Variants in CCBE1 observed in about 807,000 individuals in gnomAD.
CCBE1 encodes collagen and calcium binding EGF domains 1.
In CCBE1, 37 loss-of-function variants were observed where a neutral mutation model predicts 50.0. The ratio of observed to expected loss-of-function variants is 0.74; its 90% confidence interval spans 0.57 to 0.97. The LOEUF is 0.97. CCBE1 is among the 50% of genes least tolerant of loss of function. The pLI is 0.00. For missense variants in CCBE1, 538 were observed against 523.8 expected, an observed-to-expected ratio of 1.03 and a Z score of -0.26; for synonymous variants, 234 against 203.7, an observed-to-expected ratio of 1.15 and a Z score of -1.27.
chr18:59,636,536 G>A (rs1302565253), intron 2 of CCBE1, among the ~76,000 whole-genome samples: 2 of 152,208 alleles, frequency 1.3e-5, no homozygotes, highest in African/African-American at 4.8e-5. Context: ...AGGACTTACA[G>A]TCAAAAGTCA....
At chr18:59,500,850 A>G (rs892261122) in intron 2 of CCBE1, among the ~76,000 whole-genome samples, 4 of 152,158 alleles carry the variant, frequency 2.6e-5, no homozygotes, top group African/African-American at 7.2e-5. Flanking sequence ...CCCTGTAACA[A>G]TGGAAACACA....
chr18:59,625,650 C>T (rs1029245678), intron 2 of CCBE1, among the ~76,000 whole-genome samples: 2 of 152,158 alleles, frequency 1.3e-5, no homozygotes, highest in Non-Finnish European at 2.9e-5. Context: ...GCAGAACCAG[C>T]TGCTGGGACA....
Position 59,695,511 on chromosome 18 carries a change from CCAA to C in CCBE1, c.212+1115_212+1117del, listed in dbSNP as rs565464752. 1.1e-4 allele frequency among the ~76,000 whole-genome samples: 16 copies of C among 152,266 alleles called. No homozygotes were observed. In the East Asian group the frequency reaches 2.9e-3, roughly 28 times the overall value. Reference sequence around the variant, plus strand: ...TTGCCTGATTATTGTCCCTTCACTGCCAACAACAGATTTAAGAGCAGAAGTACG... The same window carrying C: ...TTGCCTGATTATTGTCCCTTCACTGCCAACAGATTTAAGAGCAGAAGTACG... On this transcript the variant is annotated intron_variant, in intron 2 of 10. Transcript: ENST00000439986.
intron 2 of CCBE1, among the ~76,000 whole-genome samples, chr18:59,487,244 G>A (rs931397600): frequency 1.3e-5 from 2 of 151,568 alleles, no homozygotes; most frequent in African/African-American, 4.9e-5. Context: ...ACTGTGGCAT[G>A]CCTAAGAAGG....
rs77396127 is a variant in CCBE1, at chr18:59,662,305, C to T, written c.212+34324G>A. On this transcript the variant is annotated intron_variant, in intron 2 of 10. Transcript: ENST00000439986. ...CATTTTTCACAGCTCTGGATGTGTC[C>T]TTGAATGACCATGAAAGTTCTGTAC... is the stretch of plus-strand genomic sequence containing the variant. 5.9e-3 allele frequency among the ~76,000 whole-genome samples: 897 copies of T among 152,300 alleles called. 6 individuals are homozygous for T. The highest frequency in any genetic ancestry group is 8.9e-3 in the Non-Finnish European group (607 of 68,034).
intron 2 of CCBE1, among the ~76,000 whole-genome samples, chr18:59,526,708 CTGTT>C (rs1158805004): frequency 6.6e-6 from 1 of 152,106 alleles, no homozygotes; most frequent in Admixed American, 6.5e-5. Flanking sequence ...GGTATGTTGT[CTGTT>C]TGTTCTCATT....
chr18:59,696,579 G>A, intron 2 of CCBE1, 50 bp downstream of exon 2: 2 of 1,610,318 alleles, frequency 1.2e-6, no homozygotes, highest in South Asian at 1.1e-5. Context: ...CGCCTCCCCA[G>A]CCAGCCCCGG....
chr18:59,547,057 G>GAGAAAGGGAA (rs1915718981), intron 2 of CCBE1, among the ~76,000 whole-genome samples: 1 of 64,890 alleles, frequency 1.5e-5, no homozygotes, highest in African/African-American at 9.2e-5. Flanking sequence ...GAGAGGGGGA[G>GAGAAAGGGAA]AGAGGGGGAG....
At chr18:59,611,849 C>A (rs377654569) in intron 2 of CCBE1, among the ~76,000 whole-genome samples, 1 of 152,182 alleles carries the variant, frequency 6.6e-6, no homozygotes, top group African/African-American at 2.4e-5. Flanking sequence ...CTGAGACTTA[C>A]GCATCAAGTT....
intron 6 of CCBE1, among the ~76,000 whole-genome samples, chr18:59,450,722 A>T (rs1294477236): frequency 6.6e-6 from 1 of 152,152 alleles, no homozygotes; most frequent in Non-Finnish European, 1.5e-5. Flanking sequence ...TTTAGTAGAG[A>T]TGGGGTTTCA....
chr18:59,566,203 T>C (rs1415394874), intron 2 of CCBE1, among the ~76,000 whole-genome samples: 2 of 152,186 alleles, frequency 1.3e-5, no homozygotes, highest in Non-Finnish European at 2.9e-5. Flanking sequence ...ACAGTATCAT[T>C]TTCTTTCCAC....
intron 2 of CCBE1, among the ~76,000 whole-genome samples, chr18:59,594,818 G>A (rs1204506363): frequency 1.3e-5 from 2 of 152,036 alleles, no homozygotes; most frequent in Admixed American, 6.6e-5. Flanking sequence ...AAGTCATTAA[G>A]AATAGCAGTT....
chr18:59,495,114 C>T (rs1476983100), intron 2 of CCBE1, among the ~76,000 whole-genome samples: 1 of 152,172 alleles, frequency 6.6e-6, no homozygotes, highest in East Asian at 1.9e-4. Context: ...TGCACTCCAG[C>T]CTGGGGCAAC....
At chr18:59,542,617 G>A (rs938361955) in intron 2 of CCBE1, among the ~76,000 whole-genome samples, 1 of 152,016 alleles carries the variant, frequency 6.6e-6, no homozygotes, top group Non-Finnish European at 1.5e-5. Context: ...TATCAAAAAA[G>A]GCAAGCACTG....
At chr18:59,444,524 G>C (rs1910586328) in intron 7 of CCBE1, among the ~76,000 whole-genome samples, 1 of 151,480 alleles carries the variant, frequency 6.6e-6, no homozygotes. Context: ...TTTTCTCGGT[G>C]GTTTTTTTTT....
intron 3 of CCBE1, among the ~76,000 whole-genome samples, chr18:59,475,775 T>C (rs1912278308): frequency 2.0e-5 from 3 of 152,192 alleles, no homozygotes. Context: ...TGGAGTGCGC[T>C]GGCACAATTT....
intron 5 of CCBE1, among the ~76,000 whole-genome samples, chr18:59,464,350 C>T (rs1911640561): frequency 6.6e-6 from 1 of 152,176 alleles, no homozygotes; most frequent in African/African-American, 2.4e-5. Flanking sequence ...GCCCCTTGAA[C>T]CCGGGAGGCT....
chr18:59,500,342 G>C (rs1407958065), intron 2 of CCBE1, among the ~76,000 whole-genome samples: 1 of 152,196 alleles, frequency 6.6e-6, no homozygotes, highest in Non-Finnish European at 1.5e-5. Flanking sequence ...TTACAGAAAA[G>C]TTGACCCTCA....
intron 2 of CCBE1, among the ~76,000 whole-genome samples, chr18:59,669,103 T>TG (rs1389092515): frequency 6.6e-6 from 1 of 152,106 alleles, no homozygotes; most frequent in Non-Finnish European, 1.5e-5. Context: ...CCCAAAGTGC[T>TG]GGGATTACAG....
Sources: gnomAD v4.1 joint callset for allele counts (sites outside exome capture counted in the v4.1 genomes callset) on GRCh38, gnomAD v4.1.1 for gene constraint, MANE v1.5 for transcripts, NCBI Gene and HGNC (gene_info 2026-07-23, HGNC 2026-07-21) for gene names.